Variants in TBXT observed in about 807,000 individuals in gnomAD.
TBXT encodes T brachyury transcription factor.
TBXT carries 19 observed loss-of-function variants against 41.1 expected under a neutral mutation model. That is an observed-to-expected ratio of 0.46 (90% CI 0.32 to 0.68). TBXT has a LOEUF of 0.68. Among genes scored for constraint, TBXT ranks in the 30% least tolerant of loss-of-function variants. The pLI, the probability that TBXT is intolerant of heterozygous loss-of-function variation, is 0.03. For missense variants in TBXT, 536 were observed against 582.0 expected, an observed-to-expected ratio of 0.92 and a Z score of 0.81; for synonymous variants, 213 against 238.9, an observed-to-expected ratio of 0.89 and a Z score of 1.00.
chr6:166,164,886 C>T (rs1346716489), intron 3 of TBXT, 25 bp from the exon 4 acceptor site: 1 of 1,597,046 alleles, frequency 6.3e-7, no homozygotes, highest in Non-Finnish European at 8.6e-7. Flanking sequence ...ATTGCATTTA[C>T]TAGTATATTC....
Position 166,160,552 on chromosome 6 carries a change from G to A in TBXT, c.1037+285C>T, listed in dbSNP as rs148825486. On this transcript the variant is annotated intron_variant, in intron 7 of 7. Transcript: ENST00000366876. ...AACCAGTAAGTGGCAGAACCAGGAT[G>A]GGGACCCTGGTTTCATTCAGGGATG... is the stretch of plus-strand genomic sequence containing the variant. Among the ~76,000 whole-genome samples, 21 of 152,220 alleles carry A rather than the reference G, an allele frequency of 1.4e-4. No homozygotes were observed. The East Asian group carries it at 3.7e-3, about 27-fold the overall frequency.
At chr6:166,166,933 C>T in intron 1 of TBXT, 77 bp from the exon 2 acceptor site, 2 of 1,605,240 alleles carry the variant, frequency 1.2e-6, no homozygotes, top group African/African-American at 2.7e-5. Flanking sequence ...GGCACAGAGG[C>T]CTCAGTTATT....
Position 166,166,874 on chromosome 6 carries a change from G to A in TBXT, c.207-18C>T, listed in dbSNP as rs2128523576. ...ACATCCTCCTGGAAAACACGGGGCG[G>A]GCGCAGGAGGACCCCGACACTGACC... is the stretch of plus-strand genomic sequence containing the variant. On this transcript the variant is annotated intron_variant, in intron 1 of 7. Coordinates refer to ENST00000366876, the MANE Select transcript of TBXT (RefSeq NM_001366285.2). The A allele has an allele frequency of 6.2e-7, 1 of 1,613,230 alleles. No homozygotes were observed. The highest frequency in any genetic ancestry group is 8.5e-7 in the Non-Finnish European group (1 of 1,180,040).
intron 3 of TBXT, 30 bp downstream of exon 3, chr6:166,165,676 G>GCA (rs753665641): frequency 6.2e-7 from 1 of 1,613,090 alleles, no homozygotes; most frequent in East Asian, 2.2e-5. Flanking sequence ...GCAGCACACC[G>GCA]GGAAAGCGAT....
chr6:166,166,993 C>A, intron 1 of TBXT, 137 bp from the exon 2 acceptor site: 2 of 1,451,486 alleles, frequency 1.4e-6, no homozygotes, highest in South Asian at 1.2e-5. Context: ...GACTCCCAAG[C>A]TCCCCCTTCC....
At chr6:166,163,005 A>G (rs775979187) in intron 5 of TBXT, among the ~76,000 whole-genome samples, 1 of 152,206 alleles carries the variant, frequency 6.6e-6, no homozygotes, top group Non-Finnish European at 1.5e-5. Context: ...AAGGCTTCCA[A>G]TCCTGTGTGT....
intron 5 of TBXT, among the ~76,000 whole-genome samples, chr6:166,164,038 C>T (rs925001562): frequency 1.3e-5 from 2 of 152,210 alleles, no homozygotes; most frequent in Admixed American, 6.5e-5. Context: ...GTGGAGAGGA[C>T]GGACCAGGAT....
chr6:166,166,913 GC>G, intron 1 of TBXT, 57 bp from the exon 2 acceptor site: 2 of 1,610,186 alleles, frequency 1.2e-6, no homozygotes, highest in Non-Finnish European at 1.7e-6. Context: ...TAGGCCGGAG[GC>G]AGAAGCTGGG....
In TBXT at chr6:166,162,475, G is replaced by A. The variant is rs1778987884; in HGVS notation, c.879C>T (p.Ser293=). ...GAGAATTGTTCCGATGAGCATAGGG[G>A]CTGGGGTAGGGTGAGGACCGGTGGC... ...LRSHRSSPYP[S]PYAHRNNSPT... is the part of the protein sequence containing the mutation. Residue 293 remains serine, a synonymous_variant, in exon 6 of 8, where the codon AGC becomes AGT. Coordinates refer to ENST00000366876, the MANE Select transcript of TBXT (RefSeq NM_001366285.2). The A allele has an allele frequency of 3.7e-6, 6 of 1,614,068 alleles. No individual in the cohort carries two copies. In the Admixed American group the frequency reaches 1.0e-4, roughly 27 times the overall value.
chr6:166,160,926 T>C lies in TBXT; in HGVS notation c.948A>G (p.Gln316=), dbSNP rs199515427. 3.1e-6 allele frequency: 5 copies of C among 1,614,010 alleles called. No homozygotes were observed. Among genetic ancestry groups the C allele is most frequent in the East Asian group, 2.2e-5 (1 of 44,868 alleles). ...CAAGGCTGGACCAATTGTCATGGGA[T>C]TGCAGCATGGATAAACATGCAGGTG... ...DNSPACLSML[Q]SHDNWSSLGM... The change falls in exon 7 of 8, where the codon CAA becomes CAG. Residue 316 remains glutamine (Q), a synonymous_variant. Coordinates refer to ENST00000366876, the MANE Select transcript of TBXT (RefSeq NM_001366285.2).
chr6:166,165,977 C>A (rs896841019), intron 2 of TBXT, 137 bp from the exon 3 acceptor site: 16 of 1,344,738 alleles, frequency 1.2e-5, no homozygotes, highest in Non-Finnish European at 1.6e-5. Flanking sequence ...GGGGTTCCAC[C>A]AGGGGAGGCT....
upstream of TBXT, among the ~76,000 whole-genome samples, chr6:166,168,042 T>C (rs1480093881): frequency 6.6e-6 from 1 of 151,968 alleles, no homozygotes; most frequent in Non-Finnish European, 1.5e-5. Context: ...GCCTGTTTCA[T>C]GTAAATCCGG....
intron 6 of TBXT, 96 bp from the exon 7 acceptor site, chr6:166,161,062 AC>A: frequency 6.7e-7 from 1 of 1,501,168 alleles, no homozygotes; most frequent in Non-Finnish European, 9.2e-7. Context: ...GCTACGTAAC[AC>A]TGAAAACAAA....
chr6:166,161,084 G>T, intron 6 of TBXT, 118 bp from the exon 7 acceptor site: 7 of 1,323,524 alleles, frequency 5.3e-6, no homozygotes, highest in Non-Finnish European at 6.4e-6. Context: ...ATGTACATGG[G>T]ATATTAACTG....
intron 7 of TBXT, among the ~76,000 whole-genome samples, chr6:166,160,621 C>T (rs1778924004): frequency 6.6e-6 from 1 of 152,146 alleles, no homozygotes. Flanking sequence ...TAAAGGAGCC[C>T]AGTCCTTCCA....
intron 5 of TBXT, among the ~76,000 whole-genome samples, chr6:166,163,027 C>A (rs9457138): frequency 0.16 from 24,774 of 152,258 alleles, 2,316 homozygotes; most frequent in Non-Finnish European, 0.21. Flanking sequence ...CCTGAGTAAA[C>A]CCAGGAGCCT....
Position 166,164,677 on chromosome 6 carries a change from G to GA in TBXT, c.669-12dup, listed in dbSNP as rs370877435. The GA allele has an allele frequency of 9.8e-3, 11,322 of 1,159,382 alleles. 12 individuals are homozygous for GA. The highest frequency in any genetic ancestry group is 0.021 in the African/African-American group (1,324 of 63,200). 71.8% of individuals were successfully genotyped at this position (1,159,382 alleles called of 1,614,324 possible). On this transcript the variant is annotated splice_polypyrimidine_tract_variant and intron_variant, in intron 4 of 7. Transcript: ENST00000366876. Reference sequence around the variant, plus strand: ...TCTTTGTGATCACTTCTATCAAAATGAAAAAAAAAAAGTATATCGAATTTT... The same window carrying GA: ...TCTTTGTGATCACTTCTATCAAAATGAAAAAAAAAAAAGTATATCGAATTTT...
At chr6:166,165,975 AC>A in intron 2 of TBXT, 135 bp from the exon 3 acceptor site, 1 of 1,368,772 alleles carries the variant, frequency 7.3e-7, no homozygotes. Flanking sequence ...GTGGGGTTCC[AC>A]CAGGGGAGGC....
chr6:166,167,848 C>G lies in TBXT; in HGVS notation c.-257G>C. ...TCCCCAAGGCTCTACTAGTGTAGGT[C>G]TCTGGGGACCGAAATTCAGTGCCCT... On this transcript the variant is annotated 5_prime_UTR_variant, in exon 1 of 8. Transcript: ENST00000366876. The G allele has an allele frequency of 1.8e-6, 1 of 571,138 alleles. No individual in the cohort carries two copies. Among genetic ancestry groups the G allele is most frequent in the Non-Finnish European group, 3.1e-6 (1 of 318,396 alleles). The allele number at this position is 571,138 out of a possible 1,614,324, so 35.4% of individuals were successfully genotyped here. A position where few individuals can be genotyped will look rare whatever the true frequency, so the allele number is the denominator to read the frequency against.
Sources: gnomAD v4.1 joint callset for allele counts (sites outside exome capture counted in the v4.1 genomes callset) on GRCh38, gnomAD v4.1.1 for gene constraint, MANE v1.5 for transcripts, NCBI Gene and HGNC (gene_info 2026-07-23, HGNC 2026-07-21) for gene names.